The following NOP9 variants were observed in gnomAD, a reference collection of about 807,000 sequenced individuals.
NOP9 encodes nucleolar protein 9.
Under a neutral mutation model 63.0 loss-of-function variants are expected in NOP9, and 50 were observed. The ratio of observed to expected loss-of-function variants is 0.79; its 90% CI spans 0.63 to 1.00. The LOEUF is 1.00. NOP9 is among the 50% of genes least tolerant of loss of function. The pLI, the probability that NOP9 is intolerant of heterozygous loss-of-function variation, is 0.00. For synonymous variants in NOP9, 343 were observed against 332.8 expected, an observed-to-expected ratio of 1.03 and a Z score of -0.33; for missense variants, 758 against 803.0, an observed-to-expected ratio of 0.94 and a Z score of 0.68.
the NOP9 span, among the ~76,000 whole-genome samples, chr14:24,273,907 C>T: frequency 6.6e-6 from 1 of 152,198 alleles, no homozygotes; most frequent in African/African-American, 2.4e-5. Flanking sequence ...AAAATATTAT[C>T]TAGCTGCTGC....
chr14:24,293,382 T>A, the NOP9 span: 1 of 152,362 alleles, frequency 6.6e-6, no homozygotes, highest in Non-Finnish European at 1.5e-5. Flanking sequence ...GAGACCAGCC[T>A]GGCCAACGTG....
At chr14:24,281,880 T>C in the NOP9 span, among the ~76,000 whole-genome samples, 1 of 83,220 alleles carries the variant, frequency 1.2e-5, no homozygotes, top group African/African-American at 5.4e-5. Flanking sequence ...TCCCCAACCC[T>C]TCCTCTACCC....
chr14:24,294,426 T>C, the NOP9 span: 1 of 152,116 alleles, frequency 6.6e-6, no homozygotes, highest in African/African-American at 2.4e-5. Flanking sequence ...CGTTCTCTAC[T>C]AAAAATACAA....
Position 24,300,079 on chromosome 14 carries a change from C to G in NOP9, c.125C>G (p.Pro42Arg). ...GGCCGTAAGCGGCAACCCTGGCCGCCTCCGGATGGGCGCTCGGAGCCGGCT... is the reference window on the plus strand; with the variant it reads ...GGCCGTAAGCGGCAACCCTGGCCGCGTCCGGATGGGCGCTCGGAGCCGGCT... ...LPGRKRQPWPPPDGRSEPAPD... is the reference protein window; with the variant it reads ...LPGRKRQPWPRPDGRSEPAPD... Residue 42 changes from proline (P) to arginine (R), a missense_variant, in exon 1 of 10, where the codon CCT (proline) becomes CGT (arginine). Transcript: ENST00000267425. 1 of 1,613,030 alleles carries G rather than the reference C, an allele frequency of 6.2e-7. No individual in the cohort carries two copies. The highest frequency in any genetic ancestry group is 8.5e-7 in the Non-Finnish European group (1 of 1,179,820).
At position 24,300,743 on chromosome 14, in the gene NOP9, C is replaced by T; in HGVS notation, c.583C>T (p.Leu195Phe). 4 of 1,614,132 alleles carry T rather than the reference C, an allele frequency of 2.5e-6. No individual in the cohort carries two copies. Among genetic ancestry groups the T allele is most frequent in the Non-Finnish European group, 3.4e-6 (4 of 1,180,030 alleles). Residue 195 changes from leucine to phenylalanine, a missense_variant, in exon 2 of 10, where the codon CTT (leucine) becomes TTT (phenylalanine). Transcript: ENST00000267425. ...AGCCGCTGAGGTGTGTGATGATTTT[C>T]TTGTCTACTGTGGAGACACACATGG... is the stretch of plus-strand genomic sequence containing the variant. ...GLAAEVCDDF[L>F]VYCGDTHGSF...
Position 24,307,024 on chromosome 14 carries a change from G to T in NOP9, c.*1929G>T. On this transcript the variant is annotated 3_prime_UTR_variant, in exon 10 of 10. Transcript: ENST00000267425. ...TTGCCTTTTTATAGTTGAAGAAACT[G>T]AGGTTTTGGTAGGTTGAACAACTTC... 1 of 264,228 alleles carries T rather than the reference G, an allele frequency of 3.8e-6. No homozygotes were observed. The highest frequency in any genetic ancestry group is 7.3e-6 in the Non-Finnish European group (1 of 137,264). The allele number at this position is 264,228 out of a possible 1,614,324, so 16.4% of individuals were successfully genotyped here. A position where few individuals can be genotyped will look rare whatever the true frequency, so the allele number is the denominator to read the frequency against.
rs891773009 is a variant in NOP9, at chr14:24,299,894, A to T, written c.-61A>T. The T allele has an allele frequency of 1.1e-5, 17 of 1,495,632 alleles. No homozygotes were observed. The highest frequency in any genetic ancestry group is 5.5e-5 in the South Asian group (4 of 73,344). The allele number at this position is 1,495,632 out of a possible 1,614,324, so 92.6% of individuals were successfully genotyped here. ...GTCTGGATAAGGCGCACGCTTGGCG[A>T]CGTCGAAGGTCCGTCCGCAGTTAAG... On this transcript the variant is annotated 5_prime_UTR_variant, in exon 1 of 10. Coordinates refer to ENST00000267425, the MANE Select transcript of NOP9 (RefSeq NM_174913.3).
chr14:24,271,301 T>C, the NOP9 span: 1 of 665,456 alleles, frequency 1.5e-6, no homozygotes, highest in South Asian at 3.5e-5. Context: ...CTTTGCACGT[T>C]CCACAAGAGG....
the NOP9 span, among the ~76,000 whole-genome samples, chr14:24,287,093 T>C: frequency 1.3e-5 from 2 of 152,086 alleles, no homozygotes; most frequent in Admixed American, 1.3e-4. Flanking sequence ...TTTCACCATG[T>C]TGGCCAAGCT....
chr14:24,287,574 T>G, the NOP9 span, among the ~76,000 whole-genome samples: 1 of 152,162 alleles, frequency 6.6e-6, no homozygotes, highest in African/African-American at 2.4e-5. Flanking sequence ...TCATATATCT[T>G]TACTCCACTC....
chr14:24,299,850 G>C lies in NOP9; in HGVS notation c.-105G>C, dbSNP rs1044505585. 1 of 1,380,824 alleles carries C rather than the reference G, an allele frequency of 7.2e-7. No individual in the cohort carries two copies. Among genetic ancestry groups the C allele is most frequent in the Admixed American group, 2.8e-5 (1 of 35,480 alleles). 85.5% of individuals were successfully genotyped at this position (1,380,824 alleles called of 1,614,324 possible). A position where few individuals can be genotyped will look rare whatever the true frequency, so the allele number is the denominator to read the frequency against. ...GACGTAGTAGCTGCGTCAGGAGCGC[G>C]CCCGCGTTTCTAAACTTTGTCTGGA... On this transcript the variant is annotated 5_prime_UTR_variant, in exon 1 of 10. Transcript: ENST00000267425.
At position 24,307,026 on chromosome 14, in the gene NOP9, G is replaced by A. The variant is rs527984575; in HGVS notation, c.*1931G>A. On this transcript the variant is annotated 3_prime_UTR_variant, in exon 10 of 10. Coordinates refer to ENST00000267425, the MANE Select transcript of NOP9 (RefSeq NM_174913.3). ...GCCTTTTTATAGTTGAAGAAACTGA[G>A]GTTTTGGTAGGTTGAACAACTTCCC... 2.4e-4 allele frequency: 65 copies of A among 265,364 alleles called. No homozygotes were observed. Among genetic ancestry groups the A allele is most frequent in the African/African-American group, 1.4e-3 (63 of 45,400 alleles). 16.4% of individuals were successfully genotyped at this position (265,364 alleles called of 1,614,324 possible). A position where few individuals can be genotyped will look rare whatever the true frequency, so the allele number is the denominator to read the frequency against.
the NOP9 span, chr14:24,292,231 C>G: frequency 6.2e-7 from 1 of 1,614,200 alleles, no homozygotes; most frequent in Non-Finnish European, 8.5e-7. Context: ...GCCATATGCT[C>G]CTTCAGCAGT....
intron 5 of NOP9, 45 bp from the exon 6 acceptor site, chr14:24,303,029 C>T (rs567386929): frequency 4.6e-5 from 69 of 1,487,696 alleles, no homozygotes; most frequent in South Asian, 1.2e-4. Flanking sequence ...TAATGTGGTC[C>T]GCCATTACCA....
chr14:24,307,448 G>T lies in NOP9; in HGVS notation c.*2353G>T, dbSNP rs144947876. 3.3e-5 allele frequency: 54 copies of T among 1,614,144 alleles called. No homozygotes were observed. In the African/African-American group the frequency reaches 5.5e-4, roughly 16 times the overall value. On this transcript the variant is annotated 3_prime_UTR_variant, in exon 10 of 10. Coordinates refer to ENST00000267425, the MANE Select transcript of NOP9 (RefSeq NM_174913.3). ...CGCTTGTGATCACAGACACGGAAAG[G>T]TCGCTGGGGTGGTGGAGCTGAGGTC...
chr14:24,308,704 C>G lies in NOP9; in HGVS notation c.*3609C>G, dbSNP rs939375485. 2.6e-5 allele frequency: 4 copies of G among 152,226 alleles called. No individual in the cohort carries two copies. The highest frequency in any genetic ancestry group is 9.7e-5 in the African/African-American group (4 of 41,436). 9.4% of individuals were successfully genotyped at this position (152,226 alleles called of 1,614,324 possible). A position where few individuals can be genotyped will look rare whatever the true frequency, so the allele number is the denominator to read the frequency against. On this transcript the variant is annotated 3_prime_UTR_variant, in exon 10 of 10. Transcript: ENST00000267425. ...TCCCAGCTCTGATTTCAGTTGCAGC[C>G]GTGATGGACAGTTGCATGGAAGCTG...
At chr14:24,281,983 G>A in the NOP9 span, among the ~76,000 whole-genome samples, 3 of 152,186 alleles carry the variant, frequency 2.0e-5, no homozygotes, top group East Asian at 1.9e-4. Context: ...CAAGGCGGGC[G>A]GATCACTTGA....
At chr14:24,299,140 CAA>C (rs775088595), upstream of NOP9, 8 of 1,597,694 alleles carry the variant, frequency 5.0e-6, no homozygotes, top group South Asian at 5.5e-5. Context: ...TCTGTGGAAG[CAA>C]AGACTTACTC....
Position 24,307,497 on chromosome 14 carries a change from G to T in NOP9, c.*2402G>T, listed in dbSNP as rs1209709404. The T allele has an allele frequency of 6.2e-7, 1 of 1,613,818 alleles. No homozygotes were observed. The highest frequency in any genetic ancestry group is 1.1e-5 in the South Asian group (1 of 91,026). The stretch of plus-strand genomic sequence containing the variant: ...TCCAGACCCTCCGTCCAAACTCCGA[G>T]CTTATATTAGATACTGACCTGGTAG... On this transcript the variant is annotated 3_prime_UTR_variant, in exon 10 of 10. Transcript: ENST00000267425.
Sources: allele counts gnomAD v4.1 joint callset (sites outside exome capture counted in the v4.1 genomes callset), GRCh38; gene constraint gnomAD v4.1.1; transcripts MANE v1.5; gene names NCBI Gene and HGNC (gene_info 2026-07-23, HGNC 2026-07-21).